Variants in MINK1 observed in about 807,000 individuals in gnomAD.
MINK1 encodes misshapen like kinase 1.
In MINK1, 46 loss-of-function variants were observed where a neutral mutation model predicts 178.4. The observed-to-expected ratio is 0.26, with a 90% CI of 0.20 to 0.33. The LOEUF (loss-of-function observed/expected upper bound fraction) is 0.33. Ranked by LOEUF, MINK1 falls within the 10% of genes least tolerant of loss-of-function variation. MINK1 has a pLI of 1.00. For synonymous variants in MINK1, 797 were observed against 709.7 expected (o/e 1.12, Z -1.96); for missense variants, 1,366 against 1,814.9 (o/e 0.75, Z 4.49).
At chr17:4,844,782 A>G (rs1910761128) in intron 1 of MINK1, among the ~76,000 whole-genome samples, 1 of 152,236 alleles carries the variant, frequency 6.6e-6, no homozygotes, top group South Asian at 2.1e-4. Flanking sequence ...AAGCCTCTTC[A>G]GAGGGAGGAG....
chr17:4,849,778 G>A (rs991163508), intron 1 of MINK1, among the ~76,000 whole-genome samples: 1 of 152,072 alleles, frequency 6.6e-6, no homozygotes, highest in Non-Finnish European at 1.5e-5. Context: ...TCTCCATGTT[G>A]GTCAGGCTAG....
chr17:4,839,682 A>G (rs895403462), intron 1 of MINK1, among the ~76,000 whole-genome samples: 2 of 152,136 alleles, frequency 1.3e-5, no homozygotes, highest in Non-Finnish European at 2.9e-5. Flanking sequence ...GGTAATGGAA[A>G]AAGGGTTTTG....
chr17:4,887,171 A>C lies in MINK1; in HGVS notation c.1011A>C (p.Gly337=). Residue 337 remains glycine (G), a synonymous_variant, in exon 11 of 32, where the codon GGA becomes GGC. Coordinates refer to ENST00000355280, the MANE Select transcript of MINK1 (RefSeq NM_153827.5). The surrounding 1 kb of genome is among the most constrained non-coding windows in gnomAD (Gnocchi z 7.6). ...EEEDDSHGEE[G]EPSSIMNVPG... ...AAGATGACAGCCATGGAGAGGAAGG[A>C]GAGCCAAGGTAGGCCTGGCAGGTGG... The C allele has an allele frequency of 6.2e-7, 1 of 1,603,544 alleles. No individual in the cohort carries two copies.
chr17:4,874,882 G>A (rs537276814), intron 1 of MINK1, among the ~76,000 whole-genome samples: 3 of 152,212 alleles, frequency 2.0e-5, no homozygotes, highest in Non-Finnish European at 2.9e-5. Context: ...GCCCAGACAC[G>A]AGAAGGAGAC....
chr17:4,868,175 C>A (rs951133011), intron 1 of MINK1, among the ~76,000 whole-genome samples: 1 of 152,130 alleles, frequency 6.6e-6, no homozygotes. Context: ...TGGGGTTTCA[C>A]CCAGTTGGCC....
chr17:4,891,896 A>T (rs973068137), intron 16 of MINK1, among the ~76,000 whole-genome samples, 180 bp downstream of exon 16: 2 of 152,084 alleles, frequency 1.3e-5, no homozygotes, highest in African/African-American at 4.8e-5. Flanking sequence ...GGTGGCATCG[A>T]TCCCTGTGGG....
At chr17:4,893,656 C>T in intron 21 of MINK1, 59 bp downstream of exon 21, 2 of 1,486,530 alleles carry the variant, frequency 1.3e-6, no homozygotes, top group Admixed American at 4.9e-5. Context: ...GGGGAAGTGG[C>T]AGTGGGGAAG....
intron 1 of MINK1, among the ~76,000 whole-genome samples, chr17:4,849,194 A>G (rs1297920965): frequency 6.6e-6 from 1 of 152,126 alleles, no homozygotes; most frequent in Non-Finnish European, 1.5e-5. Context: ...TAACTTCAAA[A>G]TCTTCTATCT....
Position 4,860,697 on chromosome 17 carries a change from A to G in MINK1, c.58-17620A>G, listed in dbSNP as rs542409933. 5.8e-6 allele frequency: 3 copies of G among 519,766 alleles called. No individual in the cohort carries two copies. The Admixed American group carries it at 5.8e-5, about 10-fold the overall frequency. The allele number at this position is 519,766 out of a possible 1,614,324, so 32.2% of individuals were successfully genotyped here. A position where few individuals can be genotyped will look rare whatever the true frequency, so the allele number is the denominator to read the frequency against. On this transcript the variant is annotated intron_variant, in intron 1 of 31. Coordinates refer to ENST00000355280, the MANE Select transcript of MINK1 (RefSeq NM_153827.5). ...CAGGGAGTCCCTTGAGGCTGAGCAG[A>G]GCAAAGAAGCAAGGGCTCAAGGCTG...
At position 4,887,017 on chromosome 17, in the gene MINK1, CAG is replaced by C. The variant is rs1324183738; in HGVS notation, c.950-87_950-86del. ...GTGGGGCCCCTCATGCTTGCCCAGC[CAG>C]AGAGACCTGGTTATCCCCACCCAAG... On this transcript the variant is annotated intron_variant, in intron 10 of 31. Coordinates refer to ENST00000355280, the MANE Select transcript of MINK1 (RefSeq NM_153827.5). This position sits in a 1 kb window ranked among gnomAD's most constrained non-coding sequence, Gnocchi z 7.6. The C allele has an allele frequency of 2.2e-6, 3 of 1,359,044 alleles. No homozygotes were observed. The African/African-American group carries it at 4.3e-5, about 20-fold the overall frequency. The allele number at this position is 1,359,044 out of a possible 1,614,324, so 84.2% of individuals were successfully genotyped here.
At chr17:4,856,219 C>G (rs569247975) in intron 1 of MINK1, among the ~76,000 whole-genome samples, 1 of 152,108 alleles carries the variant, frequency 6.6e-6, no homozygotes, top group Non-Finnish European at 1.5e-5. Flanking sequence ...CTAGTTGGCT[C>G]TGGGGTAAAT....
In MINK1 at chr17:4,886,062, A is replaced by G; in HGVS notation, c.695-58A>G. The stretch of plus-strand genomic sequence containing the variant: ...GTGGGTCCTGGGACCCTGCCGAGGA[A>G]GGGTCCTGTAGCTCCCAGTGCAGTG... On this transcript the variant is annotated intron_variant, in intron 8 of 31. Coordinates refer to ENST00000355280, the MANE Select transcript of MINK1 (RefSeq NM_153827.5). The surrounding 1 kb of genome is among the most constrained non-coding windows in gnomAD (Gnocchi z 6.1). 3 of 1,609,798 alleles carry G rather than the reference A, an allele frequency of 1.9e-6. No homozygotes were observed. The South Asian group carries it at 3.3e-5, about 18-fold the overall frequency.
In MINK1 at chr17:4,896,294, T is replaced by C. The variant is rs369875639; in HGVS notation, c.3567T>C (p.Ala1189=). The C allele has an allele frequency of 5.6e-6, 9 of 1,604,382 alleles. No individual in the cohort carries two copies. In the African/African-American group the frequency reaches 1.1e-4, roughly 19 times the overall value. The change falls in exon 29 of 32, where the codon GCT becomes GCC. Residue 1189 remains alanine (A), a synonymous_variant. Transcript: ENST00000355280. The surrounding 1 kb of genome is among the most constrained non-coding windows in gnomAD (Gnocchi z 4.6). ...ATGGCTCCAGTGCTGGCTTCCATGC[T>C]GTGGATGTCGACTCGGGGAACAGCT... is the stretch of plus-strand genomic sequence containing the variant. The part of the protein sequence containing the change: ...VIYGSSAGFH[A]VDVDSGNSYD...
chr17:4,838,470 A>C (rs1909633378), intron 1 of MINK1, among the ~76,000 whole-genome samples: 1 of 152,132 alleles, frequency 6.6e-6, no homozygotes, highest in South Asian at 2.1e-4. Context: ...TAGAATCCTG[A>C]CTTCACATCT....
chr17:4,876,917 G>A (rs550972754), intron 1 of MINK1, among the ~76,000 whole-genome samples: 4 of 151,980 alleles, frequency 2.6e-5, no homozygotes, highest in African/African-American at 4.8e-5. Flanking sequence ...GTGACACCCC[G>A]TCTCTACTAA....
Position 4,897,347 on chromosome 17 carries a change from T to C in MINK1, c.*60T>C. The C allele has an allele frequency of 1.3e-6, 2 of 1,517,604 alleles. No individual in the cohort carries two copies. Among genetic ancestry groups the C allele is most frequent in the Non-Finnish European group, 1.8e-6 (2 of 1,097,906 alleles). The allele number at this position is 1,517,604 out of a possible 1,614,324, so 94.0% of individuals were successfully genotyped here. On this transcript the variant is annotated 3_prime_UTR_variant, in exon 32 of 32. Transcript: ENST00000355280. ...CCAGCTCTCCCCCTGCAGCCAGGCT[T>C]CCCGGGCCGCCCCTCTTTCCCCTCC... is the stretch of plus-strand genomic sequence containing the variant.
intron 13 of MINK1, chr17:4,889,972 T>C (rs371767611): frequency 1.8e-6 from 1 of 564,928 alleles, no homozygotes; most frequent in East Asian, 3.1e-5. Context: ...CCCATCTCTT[T>C]ACCCCATCCC....
chr17:4,882,378 G>A (rs1272817651), intron 4 of MINK1, among the ~76,000 whole-genome samples: 3 of 152,194 alleles, frequency 2.0e-5, no homozygotes, highest in African/African-American at 4.8e-5. Flanking sequence ...CTCTGCCTGC[G>A]GGTCTCAGCT....
rs56279314 is a variant in MINK1 at position 4,894,066 on chromosome 17, C to T, written c.2643C>T (p.Tyr881=). The change falls in exon 22 of 32, where the codon TAC becomes TAT. Residue 881 remains tyrosine (Y), a synonymous_variant. Coordinates refer to ENST00000355280, the MANE Select transcript of MINK1 (RefSeq NM_153827.5). This position sits in a 1 kb window ranked among gnomAD's most constrained non-coding sequence, Gnocchi z 4.1. The part of the protein sequence containing the change: ...VEEITGTQPP[Y]GGGTMVVQRT... ...AGATCACCGGGACCCAGCCCCCATA[C>T]GGGGGCGGCACCATGGTGGTCCAGC... The T allele has an allele frequency of 6.0e-4, 957 of 1,587,930 alleles. 8 individuals carry two copies. In the East Asian group the frequency reaches 0.018, roughly 30 times the overall value.
Sources: allele counts gnomAD v4.1 joint callset (sites outside exome capture counted in the v4.1 genomes callset), GRCh38; gene constraint gnomAD v4.1.1; non-coding constraint Gnocchi (gnomAD v3.1); transcripts MANE v1.5; gene names NCBI Gene and HGNC (gene_info 2026-07-23, HGNC 2026-07-21).